ATXN7L3: variants seen among roughly 807,000 people sequenced by gnomAD.
ATXN7L3 encodes ataxin 7 like 3, also known as ataxin-7-like protein 3.
ATXN7L3 carries 6 observed loss-of-function variants against 50.0 expected under a neutral mutation model. The observed-to-expected ratio is 0.12, with a 90% CI of 0.07 to 0.24. The LOEUF (loss-of-function observed/expected upper bound fraction) is 0.24, where lower values mean the gene tolerates loss of function less well. ATXN7L3 is among the 10% of genes least tolerant of loss of function. The pLI is 1.00. For missense variants in ATXN7L3, 322 were observed against 451.3 expected (o/e 0.71, Z 2.60); for synonymous variants, 198 against 165.8 (o/e 1.19, Z -1.49).
chr17:44,195,447 G>T lies in ATXN7L3; in HGVS notation c.593C>A (p.Pro198Gln), dbSNP rs755871994. The T allele has an allele frequency of 6.2e-7, 1 of 1,614,070 alleles. No homozygotes were observed. Residue 198 changes from proline (P) to glutamine (Q), a missense_variant, in exon 9 of 13, where the codon CCG becomes CAG. Physicochemically the swap from Pro to Gln is moderately conservative, Grantham distance 76. Around this residue, in one of 5 missense-constraint regions of ATXN7L3, gnomAD observed 95 missense variants for 98.1 expected, o/e 0.97. Coordinates refer to ENST00000587097, the MANE Select transcript of ATXN7L3 (RefSeq NM_001382309.1). ...STGISYETLGPEELRSLLTTQ... is the reference protein window; with the variant it reads ...STGISYETLGQEELRSLLTTQ... ...GGTTAGCAGGCTGCGAAGCTCCTCC[G>T]GCCCCAGGGTCTCATAGCTGATCCC...
chr17:44,195,065 C>A (rs377196067), intron 10 of ATXN7L3, 32 bp downstream of exon 10: 2 of 1,612,354 alleles, frequency 1.2e-6, no homozygotes, highest in Non-Finnish European at 1.7e-6. Context: ...GTGCAGGAAG[C>A]GCCTGGCCCC....
At chr17:44,196,302 A>G (rs2055889072) in intron 6 of ATXN7L3, 94 bp downstream of exon 6, 2 of 1,431,210 alleles carry the variant, frequency 1.4e-6, no homozygotes, top group Non-Finnish European at 1.9e-6. Flanking sequence ...CAATGACCTC[A>G]GCCTTGAGTC....
At chr17:44,198,309 G>A (rs1253701712) in intron 1 of ATXN7L3, 179 bp from the exon 2 acceptor site, 1 of 515,412 alleles carries the variant, frequency 1.9e-6, no homozygotes, top group East Asian at 3.2e-5. Context: ...AGGGGGCCTA[G>A]TCTTTCCCAG....
chr17:44,194,437 G>A (rs1196931204), intron 12 of ATXN7L3, 26 bp from the exon 13 acceptor site: 3 of 1,613,930 alleles, frequency 1.9e-6, no homozygotes, highest in African/African-American at 1.3e-5. Flanking sequence ...CACAAGGGAT[G>A]AGAGTATGGT....
chr17:44,198,805 T>C (rs2056024380), intron 1 of ATXN7L3: 1 of 152,354 alleles, frequency 6.6e-6, no homozygotes, highest in Admixed American at 6.5e-5. Flanking sequence ...TTACCTGTTC[T>C]TCCTTTAAAT....
chr17:44,199,369 C>G (rs1406492452), intron 1 of ATXN7L3, 127 bp downstream of exon 1: 1 of 147,594 alleles, frequency 6.8e-6, no homozygotes, highest in South Asian at 2.3e-4. Context: ...CGCGTCGGCC[C>G]GGGGGGAGGG....
At chr17:44,197,098 T>G in intron 4 of ATXN7L3, 72 bp from the exon 5 acceptor site, 1 of 1,552,680 alleles carries the variant, frequency 6.4e-7, no homozygotes. Context: ...CACCCCGCTC[T>G]GCCCCCAACT....
chr17:44,197,068 G>T (rs2055933824), intron 4 of ATXN7L3, 42 bp from the exon 5 acceptor site: 7 of 1,570,770 alleles, frequency 4.5e-6, no homozygotes, highest in South Asian at 1.1e-5. Flanking sequence ...GGGGAAGGAA[G>T]AGAAAGGGGT....
intron 3 of ATXN7L3, 83 bp from the exon 4 acceptor site, chr17:44,197,482 C>T (rs2055952626): frequency 2.5e-6 from 4 of 1,578,154 alleles, no homozygotes; most frequent in Admixed American, 3.5e-5. Context: ...CCTCTTCAAT[C>T]CCTCCCCCGG....
At position 44,194,130 on chromosome 17, in the gene ATXN7L3, C is replaced by T; in HGVS notation, c.*133G>A. The T allele has an allele frequency of 8.0e-7, 1 of 1,249,602 alleles. No individual in the cohort carries two copies. Among genetic ancestry groups the T allele is most frequent in the Non-Finnish European group, 1.1e-6 (1 of 900,346 alleles). 77.4% of individuals were successfully genotyped at this position (1,249,602 alleles called of 1,614,324 possible). On this transcript the variant is annotated 3_prime_UTR_variant, in exon 13 of 13. Transcript: ENST00000587097. Reference sequence around the variant, plus strand: ...ACCCCCCAGGGGCGCATAATCGGATCCTCTGCCTGCCTGGCCCACCAAGCT... The same window carrying T: ...ACCCCCCAGGGGCGCATAATCGGATTCTCTGCCTGCCTGGCCCACCAAGCT...
At position 44,197,008 on chromosome 17, in the gene ATXN7L3, A is replaced by G. The variant is rs754022160; in HGVS notation, c.375T>C (p.Asn125=). 4 of 1,612,604 alleles carry G rather than the reference A, an allele frequency of 2.5e-6. No individual in the cohort carries two copies. Among genetic ancestry groups the G allele is most frequent in the Admixed American group, 1.7e-5 (1 of 59,958 alleles). Residue 125 remains asparagine (N), a synonymous_variant, in exon 5 of 13, where the codon AAT becomes AAC. Coordinates refer to ENST00000587097, the MANE Select transcript of ATXN7L3 (RefSeq NM_001382309.1). ...IANRRIANSN[N]MNKSESDQED... ...CTTGGTCACTCTCAGACTTATTCAT[A>G]TTGTTGCTATTGGCAATCCTGCCAA...
chr17:44,195,016 C>T, intron 10 of ATXN7L3, 81 bp downstream of exon 10: 1 of 1,554,260 alleles, frequency 6.4e-7, no homozygotes, highest in Admixed American at 1.7e-5. Flanking sequence ...CCCCATTGCT[C>T]AAGTCCAGGG....
intron 1 of ATXN7L3, 32 bp from the exon 2 acceptor site, chr17:44,198,162 A>C: frequency 1.6e-6 from 2 of 1,286,948 alleles, no homozygotes; most frequent in South Asian, 2.5e-5. Context: ...TGTTGTTGTG[A>C]GTCCAAGGCA....
chr17:44,196,823 ACTCT>A, intron 5 of ATXN7L3, 102 bp downstream of exon 5: 1 of 695,802 alleles, frequency 1.4e-6, no homozygotes, highest in East Asian at 2.8e-5. Flanking sequence ...GCGTAACTAC[ACTCT>A]CTCTTCATCA....
intron 8 of ATXN7L3, 42 bp downstream of exon 8, chr17:44,195,758 C>A (rs746610103): frequency 1.6e-5 from 25 of 1,566,370 alleles, no homozygotes; most frequent in Non-Finnish European, 2.0e-5. Context: ...CACCTCACAA[C>A]CAGGACAATG....
chr17:44,195,955 CG>C (rs1788256293), intron 7 of ATXN7L3, 78 bp downstream of exon 7: 3 of 1,565,696 alleles, frequency 1.9e-6, no homozygotes, highest in African/African-American at 2.7e-5. Context: ...CCCCTATCCC[CG>C]GGCCCCACCT....
In ATXN7L3 at chr17:44,195,408, T is replaced by C. The variant is rs1422442083; in HGVS notation, c.621+11A>G. On this transcript the variant is annotated intron_variant, in intron 9 of 12. Transcript: ENST00000587097. ...TCCCAGGGACCTTCTCTCTTGCTGG[T>C]CCTCCCTCACCGTGGTTAGCAGGCT... is the stretch of plus-strand genomic sequence containing the variant. 6.2e-7 allele frequency: 1 copy of C among 1,613,242 alleles called. No individual in the cohort carries two copies. Among genetic ancestry groups the C allele is most frequent in the Non-Finnish European group, 8.5e-7 (1 of 1,179,268 alleles).
Position 44,191,821 on chromosome 17 carries a change from A to C in ATXN7L3, c.*2442T>G. On this transcript the variant is annotated 3_prime_UTR_variant, in exon 13 of 13. Transcript: ENST00000587097. ...GGCCGGGGCTACCAACGGGAGATGC[A>C]GTTTATTTACACCAGCAGCCATGGG... 1.2e-6 allele frequency: 1 copy of C among 808,838 alleles called. No homozygotes were observed. The highest frequency in any genetic ancestry group is 1.5e-6 in the Non-Finnish European group (1 of 668,842). The allele number at this position is 808,838 out of a possible 1,614,324, so 50.1% of individuals were successfully genotyped here.
intron 3 of ATXN7L3, 52 bp downstream of exon 3, chr17:44,197,546 C>T: frequency 3.1e-6 from 5 of 1,612,260 alleles, no homozygotes; most frequent in Non-Finnish European, 4.2e-6. Context: ...AAGGAAACTC[C>T]AGGCAGTCCC....
Sources: gnomAD v4.1 joint callset for allele counts on GRCh38, gnomAD v4.1.1 for gene constraint, gnomAD v4.1.1 regional missense constraint, MANE v1.5 for transcripts, NCBI Gene and HGNC (gene_info 2026-07-23, HGNC 2026-07-21) for gene names.